CACNA1B: variants seen among roughly 807,000 people sequenced by gnomAD.
CACNA1B encodes the protein voltage-dependent N-type calcium channel subunit alpha-1B.
Under a neutral mutation model 247.2 loss-of-function variants are expected in CACNA1B, and 70 were observed. That is an observed-to-expected ratio of 0.28 (90% confidence interval 0.23 to 0.35). CACNA1B has a LOEUF of 0.35. Among genes scored for constraint, CACNA1B ranks in the 10% least tolerant of loss-of-function variants. The pLI, the probability that CACNA1B is intolerant of heterozygous loss-of-function variation, is 1.00. For missense variants in CACNA1B, 2,367 were observed against 3,197.4 expected (o/e 0.74, Z 6.26); for synonymous variants, 1,231 against 1,294.4 (o/e 0.95, Z 1.05).
chr9:137,974,912 C>A lies in CACNA1B; in HGVS notation c.1544-995C>A, dbSNP rs1958200119. On this transcript the variant is annotated intron_variant, in intron 11 of 46. Transcript: ENST00000371372. The surrounding 1 kb of genome is among the most constrained non-coding windows in gnomAD (Gnocchi z 4.5). ...CATGGTGCCTTTGGCCTGACCAGCACTGTGAGAAGTTTAAGAGCCAATCCC... is the reference window on the plus strand; with the variant it reads ...CATGGTGCCTTTGGCCTGACCAGCAATGTGAGAAGTTTAAGAGCCAATCCC... Among the ~76,000 whole-genome samples, 1 of 152,220 alleles carries A rather than the reference C, an allele frequency of 6.6e-6. No homozygotes were observed. Among genetic ancestry groups the A allele is most frequent in the Non-Finnish European group, 1.5e-5 (1 of 68,046 alleles).
At chr9:137,940,852 C>A (rs1254850621) in intron 6 of CACNA1B, among the ~76,000 whole-genome samples, 2 of 152,108 alleles carry the variant, frequency 1.3e-5, no homozygotes, top group Non-Finnish European at 2.9e-5. Context: ...GAACCTTCGA[C>A]AAAATTCAGC....
chr9:137,889,008 C>T lies in CACNA1B; in HGVS notation c.530+6125C>T, dbSNP rs1173331665. 2.9e-3 allele frequency among the ~76,000 whole-genome samples: 432 copies of T among 150,244 alleles called. 20 individuals are homozygous for T. The highest frequency in any genetic ancestry group is 4.6e-3 in the Admixed American group (69 of 15,070). On this transcript the variant is annotated intron_variant, in intron 3 of 46. Transcript: ENST00000371372. ...GCTGCCTTCCCGCAAGGCGACCTGACGCTGTGTCTGAACACAGGTGACAGC... is the reference window on the plus strand; with the variant it reads ...GCTGCCTTCCCGCAAGGCGACCTGATGCTGTGTCTGAACACAGGTGACAGC...
intron 18 of CACNA1B, 35 bp from the exon 19 acceptor site, chr9:138,022,976 A>C (rs908070411): frequency 6.2e-6 from 9 of 1,454,418 alleles, no homozygotes; most frequent in Non-Finnish European, 8.1e-6. Flanking sequence ...GGCGGGCGGC[A>C]GACGGGGCCG....
At position 138,059,159 on chromosome 9, in the gene CACNA1B, C is replaced by T. The variant is rs575117282; in HGVS notation, c.4554C>T (p.Cys1518=). 15 of 1,608,668 alleles carry T rather than the reference C, an allele frequency of 9.3e-6. No individual in the cohort carries two copies. Among genetic ancestry groups the T allele is most frequent in the Admixed American group, 6.7e-5 (4 of 59,962 alleles). Residue 1518 remains cysteine (C), a synonymous_variant, in exon 30 of 47, where the codon TGC becomes TGT. Coordinates refer to ENST00000371372, the MANE Select transcript of CACNA1B (RefSeq NM_000718.4). This position sits in a 1 kb window ranked among gnomAD's most constrained non-coding sequence, Gnocchi z 4.2. ...IVFTSMFSME[C]VLKIIAFGVL... The stretch of plus-strand genomic sequence containing the variant: ...TCACATCCATGTTCTCCATGGAATG[C>T]GTGCTGAAGATCATCGCCTTTGGGG...
chr9:137,965,883 C>T (rs1312750237), intron 10 of CACNA1B, among the ~76,000 whole-genome samples: 1 of 152,012 alleles, frequency 6.6e-6, no homozygotes, highest in Non-Finnish European at 1.5e-5. Context: ...GTGCCCAGCT[C>T]ATTTTATTTT....
chr9:138,000,636 A>G (rs1958565467), intron 15 of CACNA1B, among the ~76,000 whole-genome samples: 1 of 152,210 alleles, frequency 6.6e-6, no homozygotes, highest in South Asian at 2.1e-4. Context: ...AAATCATTTC[A>G]TGAGGCTAGT....
intron 15 of CACNA1B, among the ~76,000 whole-genome samples, chr9:138,005,471 A>G (rs1035160654): frequency 2.6e-5 from 4 of 152,196 alleles, no homozygotes; most frequent in Non-Finnish European, 5.9e-5. Context: ...CTGTAGGAAG[A>G]GGGGATGAAA....
Position 137,952,728 on chromosome 9 carries a change from G to T in CACNA1B, c.1070+351G>T, listed in dbSNP as rs1286247378. 6.7e-6 allele frequency among the ~76,000 whole-genome samples: 1 copy of T among 149,910 alleles called. No homozygotes were observed. The highest frequency in any genetic ancestry group is 2.5e-5 in the African/African-American group (1 of 40,072). ...CTGTAATGGGAGGTTGGTCTGGGGG[G>T]ATGGGAGGTGTGGTCTGTATTGGGA... On this transcript the variant is annotated intron_variant, in intron 7 of 46. Transcript: ENST00000371372. This position sits in a 1 kb window ranked among gnomAD's most constrained non-coding sequence, Gnocchi z 4.8.
intron 3 of CACNA1B, among the ~76,000 whole-genome samples, chr9:137,884,619 G>C (rs1330068860): frequency 4.0e-5 from 6 of 149,786 alleles, no homozygotes; most frequent in African/African-American, 1.5e-4. Flanking sequence ...CTTGGAGTGG[G>C]CACCCAGGAG....
At chr9:137,901,686 AT>A (rs57624388) in intron 3 of CACNA1B, among the ~76,000 whole-genome samples, 5,649 of 112,286 alleles carry the variant, frequency 0.05, 106 homozygotes, top group East Asian at 0.12. Context: ...TTTTTTTGTG[AT>A]TTTTTTTTTT....
At position 137,990,149 on chromosome 9, in the gene CACNA1B, C is replaced by T. The variant is rs537344937; in HGVS notation, c.1974+3295C>T. Among the ~76,000 whole-genome samples the T allele has an allele frequency of 3.3e-5, 5 of 152,106 alleles. No homozygotes were observed. The highest frequency in any genetic ancestry group is 2.1e-4 in the South Asian group (1 of 4,816). The stretch of plus-strand genomic sequence containing the variant: ...GGAGTGAGACCAGCCTTTTGGACTG[C>T]GGGCTGCGTGGGAGTGGGGTGAGGC... On this transcript the variant is annotated intron_variant, in intron 15 of 46. Coordinates refer to ENST00000371372, the MANE Select transcript of CACNA1B (RefSeq NM_000718.4). The surrounding 1 kb of genome is among the most constrained non-coding windows in gnomAD (Gnocchi z 4.5).
At chr9:138,026,262 G>A (rs1300460937) in intron 20 of CACNA1B, among the ~76,000 whole-genome samples, 1 of 152,168 alleles carries the variant, frequency 6.6e-6, no homozygotes, top group Non-Finnish European at 1.5e-5. Context: ...TTCCTTGGAG[G>A]AAAGTTGCCC....
chr9:137,931,160 A>T (rs918297480), intron 6 of CACNA1B, among the ~76,000 whole-genome samples: 1 of 152,222 alleles, frequency 6.6e-6, no homozygotes, highest in Non-Finnish European at 1.5e-5. Context: ...CAAAGCAACA[A>T]AGGAATGAAG....
chr9:137,934,701 A>T (rs1028873302), intron 6 of CACNA1B, among the ~76,000 whole-genome samples: 1 of 152,198 alleles, frequency 6.6e-6, no homozygotes, highest in Non-Finnish European at 1.5e-5. Context: ...GACTTGCTGG[A>T]TGGCTAGATC....
At chr9:138,046,828 G>A in intron 21 of CACNA1B, 76 bp from the exon 22 acceptor site, 1 of 1,466,546 alleles carries the variant, frequency 6.8e-7, no homozygotes, top group Admixed American at 1.8e-5. Flanking sequence ...CTGCGGGACG[G>A]GCTGAGCCTG....
chr9:138,117,376 C>T (rs1287492010), intron 42 of CACNA1B, among the ~76,000 whole-genome samples: 3 of 152,120 alleles, frequency 2.0e-5, no homozygotes, highest in Admixed American at 6.5e-5. Flanking sequence ...GAGTCCCGGG[C>T]GAGGCCCCCT....
At chr9:138,047,977 C>G (rs1477281764) in intron 23 of CACNA1B, among the ~76,000 whole-genome samples, 1 of 152,138 alleles carries the variant, frequency 6.6e-6, no homozygotes, top group Non-Finnish European at 1.5e-5. Flanking sequence ...CTAGTGTGGC[C>G]CTTGTGTGTT....
chr9:137,879,256 G>C, intron 2 of CACNA1B, 97 bp downstream of exon 2: 1 of 791,658 alleles, frequency 1.3e-6, no homozygotes, highest in Non-Finnish European at 2.1e-6. Context: ...CTCGGGCAGG[G>C]TCGTCTGGGC....
At chr9:137,896,116 G>A (rs944985755) in intron 3 of CACNA1B, among the ~76,000 whole-genome samples, 43 of 152,062 alleles carry the variant, frequency 2.8e-4, no homozygotes, top group African/African-American at 9.6e-4. Flanking sequence ...GCAGGCGCCT[G>A]TAGTCCCACC....
Sources: allele counts gnomAD v4.1 joint callset (sites outside exome capture counted in the v4.1 genomes callset), GRCh38; gene constraint gnomAD v4.1.1; non-coding constraint Gnocchi (gnomAD v3.1); transcripts MANE v1.5; gene names NCBI Gene and HGNC (gene_info 2026-07-23, HGNC 2026-07-21).